The following CCDC68 variants were observed in gnomAD, a reference collection of about 807,000 sequenced individuals.
CCDC68 encodes coiled-coil domain-containing protein 68.
In CCDC68, 45 loss-of-function variants were observed where a neutral mutation model predicts 47.1. The observed-to-expected ratio is 0.96, with a 90% CI of 0.75 to 1.23. The LOEUF (loss-of-function observed/expected upper bound fraction) is 1.23, where lower values mean the gene tolerates loss of function less well. Among genes scored for constraint, CCDC68 ranks in the 50% most tolerant of loss-of-function variants. The pLI, the probability that CCDC68 is intolerant of heterozygous loss-of-function variation, is 0.00. For missense variants in CCDC68, 353 were observed against 373.6 expected (o/e 0.94, Z 0.45); for synonymous variants, 131 against 129.5 (o/e 1.01, Z -0.08).
At chr18:54,936,997 A>T in intron 5 of CCDC68, 39 bp from the exon 6 acceptor site, 1 of 1,611,936 alleles carries the variant, frequency 6.2e-7, no homozygotes, top group African/African-American at 1.3e-5. Context: ...GACATTTACA[A>T]CAAAAAGTGT....
At chr18:54,912,312 AT>A (rs1220522936) in intron 10 of CCDC68, among the ~76,000 whole-genome samples, 1 of 152,204 alleles carries the variant, frequency 6.6e-6, no homozygotes. Flanking sequence ...AAGAAAGTAA[AT>A]AATTTCGGTA....
chr18:54,937,010 A>C, intron 5 of CCDC68, 52 bp from the exon 6 acceptor site: 1 of 1,599,832 alleles, frequency 6.3e-7, no homozygotes, highest in Non-Finnish European at 8.6e-7. Flanking sequence ...AAAAGTGTTA[A>C]AGGCAGAACA....
intron 1 of CCDC68, among the ~76,000 whole-genome samples, chr18:54,952,327 T>A (rs2044632824): frequency 6.6e-6 from 1 of 152,232 alleles, no homozygotes; most frequent in African/African-American, 2.4e-5. Context: ...ATAAAATATT[T>A]TAGGAGTGAA....
intron 1 of CCDC68, among the ~76,000 whole-genome samples, chr18:54,956,153 G>A (rs11873143): frequency 4.0e-5 from 6 of 151,788 alleles, no homozygotes; most frequent in Non-Finnish European, 7.4e-5. Context: ...CCACGCCCAG[G>A]TGATTTTTGT....
At chr18:54,917,669 A>T (rs1021532554) in intron 10 of CCDC68, among the ~76,000 whole-genome samples, 2 of 152,272 alleles carry the variant, frequency 1.3e-5, no homozygotes, top group Middle Eastern at 3.4e-3. Flanking sequence ...TGACACTTGC[A>T]TACACACAGA....
Position 54,923,051 on chromosome 18 carries a change from A to G in CCDC68, c.684-3675T>C, listed in dbSNP as rs1291292801. 2.6e-5 allele frequency among the ~76,000 whole-genome samples: 4 copies of G among 151,742 alleles called. No homozygotes were observed. The East Asian group carries it at 7.7e-4, about 29-fold the overall frequency. On this transcript the variant is annotated intron_variant, in intron 8 of 11. Coordinates refer to ENST00000591504, the MANE Select transcript of CCDC68 (RefSeq NM_025214.3). ...GAGGGCAAACAGAAATTGGGTCCAT[A>G]GCTGGTGCTAAAATTCAAAATTGCT... is the stretch of plus-strand genomic sequence containing the variant.
Position 54,904,352 on chromosome 18 carries a change from G to A in CCDC68, c.*6C>T. The A allele has an allele frequency of 6.2e-7, 1 of 1,607,440 alleles. No individual in the cohort carries two copies. Among genetic ancestry groups the A allele is most frequent in the Non-Finnish European group, 8.5e-7 (1 of 1,174,144 alleles). On this transcript the variant is annotated 3_prime_UTR_variant, in exon 12 of 12. Transcript: ENST00000591504. ...TCTTTCTAAATCAGATCTTCATCCA[G>A]CCAGTTCATTTCCGTAACCTAATCA...
chr18:54,936,542 C>T (rs1051275997), intron 6 of CCDC68, among the ~76,000 whole-genome samples: 6 of 152,168 alleles, frequency 3.9e-5, no homozygotes, highest in African/African-American at 1.4e-4. Context: ...CAGCCCAGCT[C>T]CGCAGAGCCA....
At chr18:54,906,670 C>G (rs2145348150) in intron 11 of CCDC68, among the ~76,000 whole-genome samples, 1 of 152,312 alleles carries the variant, frequency 6.6e-6, no homozygotes, top group South Asian at 2.1e-4. Context: ...CTAGTCCAAA[C>G]TTTTCACATC....
At position 54,904,272 on chromosome 18, in the gene CCDC68, C is replaced by A; in HGVS notation, c.*86G>T. 1 of 1,049,392 alleles carries A rather than the reference C, an allele frequency of 9.5e-7. No homozygotes were observed. The highest frequency in any genetic ancestry group is 1.5e-6 in the Non-Finnish European group (1 of 684,408). 65.0% of individuals were successfully genotyped at this position (1,049,392 alleles called of 1,614,324 possible). On this transcript the variant is annotated 3_prime_UTR_variant, in exon 12 of 12. Transcript: ENST00000591504. ...GTTCCATTTAAATAATGGCATTTTG[C>A]CATTTTAACATGAAACTTGGGCTGT... is the stretch of plus-strand genomic sequence containing the variant.
Position 54,907,798 on chromosome 18 carries a change from G to A in CCDC68, c.938C>T (p.Ala313Val). ...SETPRTKVSK[A>V]VSTSELKTEG... is the part of the protein sequence containing the mutation. Reference sequence around the variant, plus strand: ...ACAGAGACCTTACCTTGTAGAGACAGCCTTAGATACCTTTGTCCTAGGAGT... The same window carrying A: ...ACAGAGACCTTACCTTGTAGAGACAACCTTAGATACCTTTGTCCTAGGAGT... Residue 313 changes from alanine to valine, a missense_variant, in exon 11 of 12, where the codon GCT (alanine) becomes GTT (valine). Transcript: ENST00000591504. 5.6e-6 allele frequency: 9 copies of A among 1,594,810 alleles called. No individual in the cohort carries two copies. The highest frequency in any genetic ancestry group is 7.7e-6 in the Non-Finnish European group (9 of 1,162,482).
At chr18:54,906,729 T>C (rs1453122157) in intron 11 of CCDC68, among the ~76,000 whole-genome samples, 2 of 150,916 alleles carry the variant, frequency 1.3e-5, no homozygotes, top group Non-Finnish European at 2.9e-5. Flanking sequence ...AATGTAGGCA[T>C]TTCCTCTCCT....
chr18:54,938,226 A>G (rs1228598057), intron 4 of CCDC68, 129 bp from the exon 5 acceptor site: 1 of 799,878 alleles, frequency 1.3e-6, no homozygotes, highest in Non-Finnish European at 1.8e-6. Context: ...CATCTTTTGA[A>G]TCTCAAATAT....
At chr18:54,909,355 T>C (rs1398060185) in intron 10 of CCDC68, among the ~76,000 whole-genome samples, 3 of 150,458 alleles carry the variant, frequency 2.0e-5, no homozygotes, top group Non-Finnish European at 4.4e-5. Context: ...AGTCATGTAA[T>C]TATAGTTTAA....
chr18:54,941,220 C>A (rs1330075117), intron 3 of CCDC68, 137 bp from the exon 4 acceptor site: 5 of 598,924 alleles, frequency 8.3e-6, no homozygotes, highest in Admixed American at 3.1e-5. Context: ...ATTTAAATAA[C>A]TGCCACCATC....
In CCDC68 at chr18:54,953,014, A is replaced by C. The variant is rs75941879; in HGVS notation, c.-103+6322T>G. Among the ~76,000 whole-genome samples the C allele has an allele frequency of 1.3e-3, 191 of 148,782 alleles. 1 individual carries two copies. The highest frequency in any genetic ancestry group is 4.5e-3 in the African/African-American group (186 of 40,958). On this transcript the variant is annotated intron_variant, in intron 1 of 11. Coordinates refer to ENST00000591504, the MANE Select transcript of CCDC68 (RefSeq NM_025214.3). ...GGTGACAGAGTGAGACTCTGTTTCAAAAAAAAAAAAGGAATGTATTACGGA... is the reference window on the plus strand; with the variant it reads ...GGTGACAGAGTGAGACTCTGTTTCACAAAAAAAAAAGGAATGTATTACGGA...
intron 10 of CCDC68, among the ~76,000 whole-genome samples, chr18:54,913,806 C>T (rs2043896316): frequency 6.6e-6 from 1 of 151,912 alleles, no homozygotes. Context: ...GAGTAAGACC[C>T]TGTCCCTAAA....
intron 9 of CCDC68, 102 bp from the exon 10 acceptor site, chr18:54,918,098 C>A (rs2145418631): frequency 5.1e-6 from 3 of 592,978 alleles, no homozygotes; most frequent in South Asian, 2.2e-5. Context: ...AGATGTTCAT[C>A]AAATTAAAAA....
In CCDC68 at chr18:54,922,192, G is replaced by C. The variant is rs544360127; in HGVS notation, c.684-2816C>G. ...AGATTTCAGTTGTCCCTAGACTTGA[G>C]GTTCAGAGGCTTCTTGAGGCACGGG... On this transcript the variant is annotated intron_variant, in intron 8 of 11. Transcript: ENST00000591504. 1.1e-4 allele frequency among the ~76,000 whole-genome samples: 16 copies of C among 152,240 alleles called. 1 individual carries two copies. The South Asian group carries it at 3.3e-3, about 32-fold the overall frequency.
Sources: allele counts gnomAD v4.1 joint callset (sites outside exome capture counted in the v4.1 genomes callset), GRCh38; gene constraint gnomAD v4.1.1; transcripts MANE v1.5; gene names NCBI Gene and HGNC (gene_info 2026-07-23, HGNC 2026-07-21).